The following BLTP1 variants were observed in gnomAD, a reference collection of about 807,000 sequenced individuals.
BLTP1 encodes the protein bridge-like lipid transfer protein family member 1.
chr4:122,238,043 C>T, the BLTP1 span: 9 of 1,484,528 alleles, frequency 6.1e-6, no homozygotes, highest in Non-Finnish European at 8.3e-6. Flanking sequence ...TTTTTATAAA[C>T]TGCTGTTGAG....
At chr4:122,287,472 C>T in the BLTP1 span, 1 of 487,308 alleles carries the variant, frequency 2.1e-6, no homozygotes, top group Non-Finnish European at 2.7e-6. Context: ...AGTCTCGAGA[C>T]CTAGCTATCA....
chr4:122,288,409 A>C, the BLTP1 span, among the ~76,000 whole-genome samples: 1 of 152,106 alleles, frequency 6.6e-6, no homozygotes, highest in Non-Finnish European at 1.5e-5. Flanking sequence ...GGCTGGACAT[A>C]GTGGCTCACA....
the BLTP1 span, among the ~76,000 whole-genome samples, chr4:122,338,510 GT>G: frequency 2.0e-5 from 3 of 151,890 alleles, no homozygotes; most frequent in African/African-American, 7.3e-5. Context: ...ACCAACCTTT[GT>G]TAATTATGAA....
the BLTP1 span, chr4:122,247,490 C>T: frequency 1.8e-6 from 2 of 1,127,790 alleles, no homozygotes; most frequent in Non-Finnish European, 2.5e-6. Flanking sequence ...AGGTATTTCT[C>T]CCTATATTGA....
the BLTP1 span, among the ~76,000 whole-genome samples, chr4:122,281,013 C>T: frequency 2.0e-5 from 3 of 152,104 alleles, no homozygotes; most frequent in Admixed American, 6.6e-5. Flanking sequence ...GGTTCAAATC[C>T]TAGTTTCAGC....
At chr4:122,317,017 T>G in the BLTP1 span, among the ~76,000 whole-genome samples, 4 of 152,154 alleles carry the variant, frequency 2.6e-5, no homozygotes, top group Admixed American at 6.5e-5. Flanking sequence ...TTGGTCAAGA[T>G]TATACACTCA....
At chr4:122,317,712 T>C in the BLTP1 span, among the ~76,000 whole-genome samples, 1 of 152,146 alleles carries the variant, frequency 6.6e-6, no homozygotes, top group African/African-American at 2.4e-5. Flanking sequence ...TGTCTGAAAC[T>C]TGTCTGTAAG....
At chr4:122,287,831 T>C in the BLTP1 span, 4 of 444,362 alleles carry the variant, frequency 9.0e-6, no homozygotes, top group Non-Finnish European at 1.2e-5. Flanking sequence ...ACTGAAAATA[T>C]TTTAAAGTGT....
the BLTP1 span, chr4:122,308,008 G>C: frequency 1.9e-6 from 3 of 1,613,400 alleles, no homozygotes; most frequent in Non-Finnish European, 2.5e-6. Flanking sequence ...ACAACGAATG[G>C]CTTTACATAA....
the BLTP1 span, chr4:122,155,951 G>T: frequency 1.1e-6 from 1 of 927,228 alleles, no homozygotes; most frequent in Non-Finnish European, 1.3e-6. Flanking sequence ...TGAAGTCAGG[G>T]TAGTTTCTAG....
At chr4:122,204,402 T>C in the BLTP1 span, 5 of 837,358 alleles carry the variant, frequency 6.0e-6, no homozygotes, top group Non-Finnish European at 7.2e-6. Context: ...TTCACTTGTA[T>C]TATCTTCACA....
the BLTP1 span, chr4:122,279,736 G>A: frequency 1.3e-6 from 2 of 1,579,520 alleles, no homozygotes; most frequent in Admixed American, 1.8e-5. Context: ...TTACTTGGCT[G>A]TTGGCTGTAT....
chr4:122,187,470 A>G, the BLTP1 span: 1 of 1,612,372 alleles, frequency 6.2e-7, no homozygotes, highest in African/African-American at 1.3e-5. Context: ...CCACATCTTC[A>G]TGGAGATCAC....
chr4:122,356,077 C>G, the BLTP1 span: 11 of 880,998 alleles, frequency 1.2e-5, no homozygotes, highest in Non-Finnish European at 1.3e-5. Context: ...TTTTGTAATA[C>G]TAATATCTAA....
the BLTP1 span, chr4:122,288,902 C>T: frequency 8.8e-6 from 3 of 341,724 alleles, no homozygotes; most frequent in Non-Finnish European, 1.2e-5. Context: ...TGGGAGTGTA[C>T]TATAATAGTT....
the BLTP1 span, chr4:122,266,919 C>T: frequency 6.2e-7 from 1 of 1,604,220 alleles, no homozygotes; most frequent in Non-Finnish European, 8.5e-7. Flanking sequence ...ATTGTGGATT[C>T]AGACACAGCC....
the BLTP1 span, among the ~76,000 whole-genome samples, chr4:122,300,699 T>C: frequency 3.3e-5 from 5 of 152,304 alleles, no homozygotes; most frequent in East Asian, 7.7e-4. Flanking sequence ...ATAATATCTG[T>C]GGTCCCTAAT....
chr4:122,180,532 A>G, the BLTP1 span, among the ~76,000 whole-genome samples: 1 of 152,216 alleles, frequency 6.6e-6, no homozygotes. Flanking sequence ...TTGGAGCCCA[A>G]GATTACACAA....
chr4:122,171,967 A>G, the BLTP1 span: 6 of 975,936 alleles, frequency 6.1e-6, no homozygotes, highest in Admixed American at 1.8e-4. Context: ...TGAAGGACTC[A>G]TATAACAACC....
Sources: gnomAD v4.1 joint callset for allele counts (sites outside exome capture counted in the v4.1 genomes callset) on GRCh38, gnomAD v4.1.1 for gene constraint, MANE v1.5 for transcripts, NCBI Gene and HGNC (gene_info 2026-07-23, HGNC 2026-07-21) for gene names.